Variants in EMC2 observed in about 807,000 individuals in gnomAD.
EMC2 encodes the protein ER membrane protein complex subunit 2, also known as TPR repeat protein 35.
Under a neutral mutation model 51.6 loss-of-function variants are expected in EMC2, and 37 were observed. That is an observed-to-expected ratio of 0.72 (90% CI 0.55 to 0.94). EMC2 has a LOEUF of 0.94. Among genes scored for constraint, EMC2 ranks in the 40% least tolerant of loss-of-function variants. The pLI is 0.00. For missense variants in EMC2, 359 were observed against 350.9 expected, an observed-to-expected ratio of 1.02 and a Z score of -0.18; for synonymous variants, 131 against 112.4, an observed-to-expected ratio of 1.17 and a Z score of -1.04.
intron 5 of EMC2, among the ~76,000 whole-genome samples, chr8:108,458,932 T>C (rs1819237016): frequency 1.3e-5 from 2 of 152,214 alleles, no homozygotes; most frequent in African/African-American, 2.4e-5. Flanking sequence ...TGAATGCCTT[T>C]AACAGCACCC....
chr8:108,464,183 T>C (rs1478655264), intron 5 of EMC2: 1 of 152,220 alleles, frequency 6.6e-6, no homozygotes, highest in African/African-American at 2.4e-5. Context: ...GTTCCCCCAC[T>C]GTAACTGGGG....
chr8:108,477,432 A>G (rs1810966930), intron 9 of EMC2, among the ~76,000 whole-genome samples: 1 of 152,054 alleles, frequency 6.6e-6, no homozygotes, highest in Admixed American at 6.6e-5. Flanking sequence ...ATAGAGGAAT[A>G]ATCTGCTGAC....
At chr8:108,476,003 GTTACTA>G in intron 8 of EMC2, 40 bp downstream of exon 8, 1 of 1,148,186 alleles carries the variant, frequency 8.7e-7, no homozygotes, top group Non-Finnish European at 1.3e-6. Context: ...TTTTATTTTG[GTTACTA>G]TTCGGTGTTA....
At chr8:108,485,013 A>T (rs1811109140) in intron 10 of EMC2, among the ~76,000 whole-genome samples, 1 of 151,882 alleles carries the variant, frequency 6.6e-6, no homozygotes, top group Non-Finnish European at 1.5e-5. Flanking sequence ...CCCTAGAAAC[A>T]TCCTTTATTT....
chr8:108,461,550 A>G (rs1042335140), intron 5 of EMC2, among the ~76,000 whole-genome samples: 22 of 152,196 alleles, frequency 1.4e-4, no homozygotes, highest in African/African-American at 5.3e-4. Context: ...TCCCAAGTGA[A>G]TGCATGAATA....
intron 10 of EMC2, among the ~76,000 whole-genome samples, chr8:108,483,204 C>G (rs147883351): frequency 6.6e-6 from 1 of 151,970 alleles, no homozygotes; most frequent in Non-Finnish European, 1.5e-5. Flanking sequence ...TTTCCTTTTC[C>G]CTGTCTCTTC....
intron 1 of EMC2, among the ~76,000 whole-genome samples, chr8:108,445,313 A>G (rs576762783): frequency 3.3e-5 from 5 of 152,336 alleles, no homozygotes; most frequent in African/African-American, 9.6e-5. Context: ...CTTCCTCTGT[A>G]TGATCTGGCG....
chr8:108,469,796 G>T, intron 5 of EMC2, 30 bp from the exon 6 acceptor site: 1 of 1,571,314 alleles, frequency 6.4e-7, no homozygotes, highest in Non-Finnish European at 8.8e-7. Flanking sequence ...AATCATAAGG[G>T]CCTAATCCTT....
intron 5 of EMC2, among the ~76,000 whole-genome samples, chr8:108,465,646 A>G (rs1586185379): frequency 1.3e-5 from 2 of 152,274 alleles, no homozygotes; most frequent in African/African-American, 4.8e-5. Context: ...CTATTGTTGC[A>G]TTTCTTAATG....
intron 5 of EMC2, among the ~76,000 whole-genome samples, chr8:108,459,705 A>AGG (rs1819260246): frequency 8.0e-6 from 1 of 124,938 alleles, no homozygotes; most frequent in Non-Finnish European, 1.6e-5. Flanking sequence ...AAGCCATGTG[A>AGG]GAGAGAGAGA....
At position 108,486,388 on chromosome 8, in the gene EMC2, A is replaced by G. The variant is rs1287591024; in HGVS notation, c.808-124A>G. 11 of 1,299,224 alleles carry G rather than the reference A, an allele frequency of 8.5e-6. No individual in the cohort carries two copies. The Admixed American group carries it at 3.3e-4, about 39-fold the overall frequency. The allele number at this position is 1,299,224 out of a possible 1,614,324, so 80.5% of individuals were successfully genotyped here. A position where few individuals can be genotyped will look rare whatever the true frequency, so the allele number is the denominator to read the frequency against. ...TTCTTATTGAAAAAGCAAAGAATAT[A>G]TTTGATTTCCTACTAGTGATAAAAT... On this transcript the variant is annotated intron_variant, in intron 10 of 10. Transcript: ENST00000220853.
chr8:108,447,718 C>T (rs1818911870), intron 1 of EMC2, among the ~76,000 whole-genome samples: 1 of 152,102 alleles, frequency 6.6e-6, no homozygotes, highest in African/African-American at 2.4e-5. Flanking sequence ...TTTAGCTCAT[C>T]TCACAGGATT....
rs1202633011 is a variant in EMC2 at position 108,453,107 on chromosome 8, G to A, written c.265G>A (p.Val89Ile). The change falls in exon 4 of 11, where the codon GTC becomes ATC. Residue 89 changes from valine to isoleucine, a missense_variant. By Grantham distance (29) the Val-to-Ile change is conservative. Coordinates refer to ENST00000220853, the MANE Select transcript of EMC2 (RefSeq NM_014673.5). ...AAGACAGTTCCCTGGCAGTCACAGA[G>A]TCAAGCGATTAACAGGCATGAGATT... ...LRRQFPGSHR[V>I]KRLTGMRFEA... 1.9e-6 allele frequency: 3 copies of A among 1,608,680 alleles called. No individual in the cohort carries two copies. The Admixed American group carries it at 5.1e-5, about 27-fold the overall frequency.
intron 10 of EMC2, among the ~76,000 whole-genome samples, chr8:108,479,392 GATAA>G (rs1200576764): frequency 6.6e-6 from 1 of 152,034 alleles, no homozygotes; most frequent in Non-Finnish European, 1.5e-5. Flanking sequence ...ACTCAGAAAG[GATAA>G]ATAAATATCA....
Position 108,486,653 on chromosome 8 carries a change from G to T in EMC2, c.*55G>T, listed in dbSNP as rs963172553. On this transcript the variant is annotated 3_prime_UTR_variant, in exon 11 of 11. Transcript: ENST00000220853. ...CACAACTGCACAATTGAACTTATTG[G>T]CCTGTAACTTATTTACTAAATGCTC... 4 of 1,507,272 alleles carry T rather than the reference G, an allele frequency of 2.7e-6. No individual in the cohort carries two copies. Among genetic ancestry groups the T allele is most frequent in the East Asian group, 4.6e-5 (2 of 43,012 alleles). The allele number at this position is 1,507,272 out of a possible 1,614,324, so 93.4% of individuals were successfully genotyped here.
At chr8:108,463,133 G>T (rs972101422) in intron 5 of EMC2, among the ~76,000 whole-genome samples, 1 of 152,150 alleles carries the variant, frequency 6.6e-6, no homozygotes, top group African/African-American at 2.4e-5. Flanking sequence ...TTTGTGAACA[G>T]CTTGGTAATT....
At chr8:108,484,831 A>G (rs1811106060) in intron 10 of EMC2, among the ~76,000 whole-genome samples, 1 of 152,046 alleles carries the variant, frequency 6.6e-6, no homozygotes, top group Non-Finnish European at 1.5e-5. Flanking sequence ...AGTAATAAGC[A>G]TGCCTCACAG....
At chr8:108,452,566 C>CA (rs568595444) in intron 3 of EMC2, among the ~76,000 whole-genome samples, 10 of 148,166 alleles carry the variant, frequency 6.7e-5, no homozygotes, top group Non-Finnish European at 1.0e-4. Flanking sequence ...GACTCCATCT[C>CA]AAAAAAAAAT....
chr8:108,444,524 C>T (rs1818831482), intron 1 of EMC2, among the ~76,000 whole-genome samples: 2 of 152,064 alleles, frequency 1.3e-5, no homozygotes, highest in South Asian at 4.1e-4. Context: ...CAGCATTTAA[C>T]ATAATACAGG....
Sources: allele counts gnomAD v4.1 joint callset (sites outside exome capture counted in the v4.1 genomes callset), GRCh38; gene constraint gnomAD v4.1.1; transcripts MANE v1.5; gene names NCBI Gene and HGNC (gene_info 2026-07-23, HGNC 2026-07-21).